Variants in BRD4 observed in about 807,000 individuals in gnomAD.
BRD4 encodes the protein bromodomain-containing protein 4.
BRD4 carries 16 observed loss-of-function variants against 142.1 expected under a neutral mutation model. That is an observed-to-expected ratio of 0.11 (90% confidence interval 0.08 to 0.17). BRD4 has a LOEUF of 0.17. Ranked by LOEUF, BRD4 falls within the 10% of genes least tolerant of loss-of-function variation. The pLI is 1.00. For missense variants in BRD4, 1,424 were observed against 1,810.9 expected (o/e 0.79, Z 3.88); for synonymous variants, 833 against 707.5 (o/e 1.18, Z -2.82).
intron 10 of BRD4, 89 bp downstream of exon 10, chr19:15,255,208 G>T (rs2047394546): frequency 2.3e-6 from 3 of 1,291,310 alleles, no homozygotes; most frequent in Admixed American, 2.5e-5. Context: ...AAGGGGGGGG[G>T]CGCAGAAAGA....
chr19:15,310,042 C>A (rs980219880), intron 1 of BRD4, among the ~76,000 whole-genome samples: 1 of 151,968 alleles, frequency 6.6e-6, no homozygotes, highest in African/African-American at 2.4e-5. Flanking sequence ...CATTCTGAGG[C>A]AATGCATAGA....
At chr19:15,289,259 A>T (rs2047763046) in intron 1 of BRD4, among the ~76,000 whole-genome samples, 1 of 152,168 alleles carries the variant, frequency 6.6e-6, no homozygotes, top group African/African-American at 2.4e-5. Flanking sequence ...AGCTACTTAA[A>T]ATCAGAAAAC....
At chr19:15,309,425 T>C (rs1414284795) in intron 1 of BRD4, among the ~76,000 whole-genome samples, 1 of 151,076 alleles carries the variant, frequency 6.6e-6, no homozygotes, top group African/African-American at 2.4e-5. Flanking sequence ...CAAACAACAA[T>C]TGTCGGCAAA....
Position 15,248,448 on chromosome 19 carries a change from G to C in BRD4, c.2159-3686C>G, listed in dbSNP as rs3787030. ...AGGCGGGTGGGGTGAGGTGGGGTTG[G>C]GGGGATGATAGGCCCAAGGCCCTTC... On this transcript the variant is annotated intron_variant, in intron 11 of 19. Coordinates refer to ENST00000679869, the MANE Select transcript of BRD4 (RefSeq NM_001379291.1). 510 of 218,426 alleles carry C rather than the reference G, an allele frequency of 2.3e-3. 1 individual carries two copies. Among genetic ancestry groups the C allele is most frequent in the Non-Finnish European group, 3.1e-3 (342 of 108,776 alleles). The allele number at this position is 218,426 out of a possible 1,614,324, so 13.5% of individuals were successfully genotyped here. A position where few individuals can be genotyped will look rare whatever the true frequency, so the allele number is the denominator to read the frequency against.
At chr19:15,275,490 T>C (rs990474476) in intron 1 of BRD4, among the ~76,000 whole-genome samples, 4 of 152,088 alleles carry the variant, frequency 2.6e-5, no homozygotes, top group Non-Finnish European at 5.9e-5. Flanking sequence ...ATTAAGGAAG[T>C]CCTCATTAGT....
At chr19:15,278,543 C>CAAAAAAAAA (rs1235423521) in intron 1 of BRD4, among the ~76,000 whole-genome samples, 1 of 74,890 alleles carries the variant, frequency 1.3e-5, no homozygotes, top group Admixed American at 1.8e-4. Flanking sequence ...CAACCCCCGC[C>CAAAAAAAAA]AAAAAAAAAA....
rs1051230862 is a variant in BRD4 at position 15,236,687 on chromosome 19, G to A, written c.*1690C>T. On this transcript the variant is annotated 3_prime_UTR_variant, in exon 20 of 20. Transcript: ENST00000679869. ...GTTGCTATGAGTCTGCGTGGCTCCC[G>A]CCCAGGGCAGACAGGGACAGGTCAC... 2 of 167,988 alleles carry A rather than the reference G, an allele frequency of 1.2e-5. No homozygotes were observed. Among genetic ancestry groups the A allele is most frequent in the Non-Finnish European group, 2.6e-5 (2 of 77,194 alleles). 10.4% of individuals were successfully genotyped at this position (167,988 alleles called of 1,614,324 possible).
intron 1 of BRD4, among the ~76,000 whole-genome samples, chr19:15,300,280 G>A (rs867460305): frequency 6.6e-6 from 1 of 152,086 alleles, no homozygotes; most frequent in Middle Eastern, 3.4e-3. Context: ...CCTATGTGTC[G>A]GCTGGGTGTG....
intron 1 of BRD4, among the ~76,000 whole-genome samples, chr19:15,325,597 A>C (rs2048100247): frequency 6.6e-6 from 1 of 152,168 alleles, no homozygotes; most frequent in Non-Finnish European, 1.5e-5. Context: ...ACCCCTATAA[A>C]CAAGACCCTG....
At chr19:15,302,893 A>G (rs1444855350) in intron 1 of BRD4, among the ~76,000 whole-genome samples, 1 of 150,778 alleles carries the variant, frequency 6.6e-6, no homozygotes, top group Non-Finnish European at 1.5e-5. Flanking sequence ...CTGTAGTCCC[A>G]GCTACTTGAG....
intron 1 of BRD4, among the ~76,000 whole-genome samples, chr19:15,285,555 A>AC (rs752949197): frequency 6.7e-5 from 10 of 150,364 alleles, no homozygotes; most frequent in Non-Finnish European, 1.3e-4. Context: ...ACAGAGTGAG[A>AC]CCCCATCTCA....
chr19:15,263,052 A>C (rs925240792), intron 7 of BRD4, among the ~76,000 whole-genome samples: 1 of 152,148 alleles, frequency 6.6e-6, no homozygotes, highest in African/African-American at 2.4e-5. Context: ...TCCACAGTGC[A>C]GATGTCCTCA....
intron 1 of BRD4, among the ~76,000 whole-genome samples, chr19:15,328,580 T>G (rs943493577): frequency 6.6e-6 from 1 of 152,248 alleles, no homozygotes; most frequent in Non-Finnish European, 1.5e-5. Context: ...CGAACAATTA[T>G]GTCCACGGCT....
intron 6 of BRD4, chr19:15,264,197 T>G: frequency 1.6e-6 from 1 of 621,090 alleles, no homozygotes; most frequent in Non-Finnish European, 2.7e-6. Context: ...CAGGCATCTG[T>G]AGCCACAATG....
At chr19:15,319,763 C>T (rs975501029) in intron 1 of BRD4, among the ~76,000 whole-genome samples, 1 of 152,010 alleles carries the variant, frequency 6.6e-6, no homozygotes, top group Non-Finnish European at 1.5e-5. Context: ...GGTGAAACCC[C>T]GTCTCTACAA....
chr19:15,280,412 G>A (rs909223712), intron 1 of BRD4: 3 of 1,015,646 alleles, frequency 3.0e-6, no homozygotes, highest in Non-Finnish European at 3.5e-6. Context: ...CCATAAGCTG[G>A]GTCTTAAGTC....
intron 1 of BRD4, among the ~76,000 whole-genome samples, chr19:15,286,050 CCACCTCAA>C (rs2047737604): frequency 6.6e-6 from 1 of 152,178 alleles, no homozygotes; most frequent in African/African-American, 2.4e-5. Flanking sequence ...AGGGAGGGAG[CCACCTCAA>C]GGAGGTGCCC....
Position 15,242,798 on chromosome 19 carries a change from C to T in BRD4, c.3169+102G>A. 19 of 1,514,298 alleles carry T rather than the reference C, an allele frequency of 1.3e-5. No homozygotes were observed. The South Asian group carries it at 2.3e-4, about 18-fold the overall frequency. 93.8% of individuals were successfully genotyped at this position (1,514,298 alleles called of 1,614,324 possible). A position where few individuals can be genotyped will look rare whatever the true frequency, so the allele number is the denominator to read the frequency against. On this transcript the variant is annotated intron_variant, in intron 14 of 19. Coordinates refer to ENST00000679869, the MANE Select transcript of BRD4 (RefSeq NM_001379291.1). ...TCCAAGCTGAGGCTCAGCTCTGAAC[C>T]CACTGCAGCCTGAAGCATGAGTTAA...
At chr19:15,242,214 T>A (rs955572823) in intron 14 of BRD4, among the ~76,000 whole-genome samples, 4 of 152,164 alleles carry the variant, frequency 2.6e-5, no homozygotes, top group Non-Finnish European at 4.4e-5. Context: ...GGCAGCACCA[T>A]CTACACTGCT....
Sources: gnomAD v4.1 joint callset for allele counts (sites outside exome capture counted in the v4.1 genomes callset) on GRCh38, gnomAD v4.1.1 for gene constraint, MANE v1.5 for transcripts, NCBI Gene and HGNC (gene_info 2026-07-23, HGNC 2026-07-21) for gene names.